Variants in CNTNAP5 observed in about 807,000 individuals in gnomAD.
The protein encoded by CNTNAP5 is contactin associated protein family member 5, also known as contactin-associated protein-like 5.
In CNTNAP5, 72 loss-of-function variants were observed where a neutral mutation model predicts 150.2. The observed-to-expected ratio is 0.48, with a 90% CI of 0.40 to 0.58. CNTNAP5 has a LOEUF of 0.58. Ranked by LOEUF, CNTNAP5 falls within the 20% of genes least tolerant of loss-of-function variation. CNTNAP5 has a pLI of 0.00. For missense variants in CNTNAP5, 1,636 were observed against 1,626.2 expected, an observed-to-expected ratio of 1.01 and a Z score of -0.10; for synonymous variants, 672 against 619.8, an observed-to-expected ratio of 1.08 and a Z score of -1.25.
chr2:124,371,163 C>A (rs141094827), intron 3 of CNTNAP5, among the ~76,000 whole-genome samples: 2 of 152,034 alleles, frequency 1.3e-5, no homozygotes, highest in Non-Finnish European at 2.9e-5. Context: ...TTAGGTTTTA[C>A]GACCTGCTTC....
intron 3 of CNTNAP5, among the ~76,000 whole-genome samples, chr2:124,304,383 G>T (rs913423216): frequency 5.4e-5 from 8 of 149,236 alleles, no homozygotes; most frequent in African/African-American, 2.1e-4. Context: ...AGGGAGAAAT[G>T]GCAAAGTAGA....
At chr2:124,234,014 G>A (rs1214552748) in intron 2 of CNTNAP5, among the ~76,000 whole-genome samples, 3 of 151,660 alleles carry the variant, frequency 2.0e-5, no homozygotes, top group Non-Finnish European at 4.4e-5. Flanking sequence ...CTGCTCATGA[G>A]AAAAAAAATG....
intron 19 of CNTNAP5, among the ~76,000 whole-genome samples, chr2:124,860,240 C>T (rs553758844): frequency 6.6e-6 from 1 of 151,974 alleles, no homozygotes; most frequent in Non-Finnish European, 1.5e-5. Context: ...GTCCCAGCTA[C>T]TCAGGAGGCT....
chr2:124,802,718 C>G lies in CNTNAP5; in HGVS notation c.3217+4398C>G, dbSNP rs192219478. On this transcript the variant is annotated intron_variant, in intron 19 of 23. Transcript: ENST00000682447. ...GCCTTCTCCACAGTAGTGGGGATTTCTCTTTCAAATTTGCAACTCAGAAAA... is the reference window on the plus strand; with the variant it reads ...GCCTTCTCCACAGTAGTGGGGATTTGTCTTTCAAATTTGCAACTCAGAAAA... Among the ~76,000 whole-genome samples the G allele has an allele frequency of 2.6e-5, 4 of 152,292 alleles. No homozygotes were observed. The East Asian group carries it at 5.8e-4, about 22-fold the overall frequency.
At chr2:124,080,814 C>T (rs1168199568) in intron 1 of CNTNAP5, among the ~76,000 whole-genome samples, 1 of 152,150 alleles carries the variant, frequency 6.6e-6, no homozygotes, top group African/African-American at 2.4e-5. Context: ...TTTTCACTGC[C>T]TCTTCAAGAA....
chr2:124,029,366 G>T (rs996399486), intron 1 of CNTNAP5, among the ~76,000 whole-genome samples: 5 of 152,036 alleles, frequency 3.3e-5, no homozygotes, highest in African/African-American at 4.8e-5. Flanking sequence ...ACAAGTAAAG[G>T]AAGCACTCCA....
At position 124,127,919 on chromosome 2, in the gene CNTNAP5, G is replaced by T. The variant is rs1468147154; in HGVS notation, c.83-93786G>T. On this transcript the variant is annotated intron_variant, in intron 1 of 23. Coordinates refer to ENST00000682447, the MANE Select transcript of CNTNAP5 (RefSeq NM_001367498.1). ...TATACAAAAATTAATTCAAGATGGA[G>T]TAAAGACTTAAATGTCAGACCTAAA... Among the ~76,000 whole-genome samples the T allele has an allele frequency of 7.9e-5, 12 of 152,030 alleles. No homozygotes were observed. In the South Asian group the frequency reaches 1.7e-3, roughly 21 times the overall value.
At position 124,278,883 on chromosome 2, in the gene CNTNAP5, C is replaced by T. The variant is rs554685434; in HGVS notation, c.381+36490C>T. Among the ~76,000 whole-genome samples, 17 of 152,194 alleles carry T rather than the reference C, an allele frequency of 1.1e-4. No individual in the cohort carries two copies. In the South Asian group the frequency reaches 2.5e-3, roughly 22 times the overall value. ...AGTAAACACATACCTTCTTAAAGAA[C>T]ATTTCTAACATAATTTAGTATTGAT... On this transcript the variant is annotated intron_variant, in intron 3 of 23. Coordinates refer to ENST00000682447, the MANE Select transcript of CNTNAP5 (RefSeq NM_001367498.1).
intron 21 of CNTNAP5, among the ~76,000 whole-genome samples, chr2:124,883,774 G>T (rs950457326): frequency 2.6e-5 from 4 of 152,070 alleles, no homozygotes; most frequent in African/African-American, 9.7e-5. Flanking sequence ...GCTTGCATAT[G>T]TCCATGTGTC....
intron 13 of CNTNAP5, among the ~76,000 whole-genome samples, chr2:124,700,561 A>G (rs1679500350): frequency 6.6e-6 from 1 of 152,056 alleles, no homozygotes. Flanking sequence ...TGGGTGTGAA[A>G]TGGCATCTCA....
At chr2:124,337,812 C>T (rs1402643000) in intron 3 of CNTNAP5, among the ~76,000 whole-genome samples, 3 of 151,866 alleles carry the variant, frequency 2.0e-5, no homozygotes, top group East Asian at 3.9e-4. Context: ...TAGTGTGATG[C>T]CTCCAGCTTT....
chr2:124,025,685 C>A lies in CNTNAP5; in HGVS notation c.35C>A (p.Thr12Asn), dbSNP rs542994583. 2 of 1,613,874 alleles carry A rather than the reference C, an allele frequency of 1.2e-6. No individual in the cohort carries two copies. Among genetic ancestry groups the A allele is most frequent in the Admixed American group, 1.7e-5 (1 of 60,008 alleles). ...DSLPRLTSVL[T>N]LLFSGLWHLG... is the part of the protein sequence containing the mutation. The stretch of plus-strand genomic sequence containing the variant: ...TTACCACGGCTGACCAGCGTTTTGA[C>A]TTTGCTGTTCTCTGGCTTGTGGCAT... Residue 12 changes from threonine (T) to asparagine (N), a missense_variant, in exon 1 of 24, where the codon ACT becomes AAT. Transcript: ENST00000682447.
intron 6 of CNTNAP5, among the ~76,000 whole-genome samples, chr2:124,449,899 A>C (rs1167752516): frequency 2.6e-5 from 4 of 152,134 alleles, no homozygotes; most frequent in African/African-American, 9.7e-5. Flanking sequence ...GAGATGAAAG[A>C]ACACTGGTGC....
At chr2:124,464,066 A>G (rs189956700) in intron 6 of CNTNAP5, among the ~76,000 whole-genome samples, 1 of 152,290 alleles carries the variant, frequency 6.6e-6, no homozygotes, top group East Asian at 1.9e-4. Flanking sequence ...TATTGCTATT[A>G]CTAAAACAAT....
chr2:124,875,010 A>G (rs1677825200), intron 21 of CNTNAP5, among the ~76,000 whole-genome samples: 1 of 152,108 alleles, frequency 6.6e-6, no homozygotes, highest in African/African-American at 2.4e-5. Context: ...CATAAAATTT[A>G]CAGCTAATCT....
intron 12 of CNTNAP5, among the ~76,000 whole-genome samples, chr2:124,643,498 A>T (rs1226968723): frequency 6.6e-6 from 1 of 152,226 alleles, no homozygotes; most frequent in African/African-American, 2.4e-5. Flanking sequence ...GGAAAAAAAA[A>T]ACTTAACAAG....
chr2:124,048,018 C>T (rs1681586505), intron 1 of CNTNAP5, among the ~76,000 whole-genome samples: 1 of 152,214 alleles, frequency 6.6e-6, no homozygotes, highest in Non-Finnish European at 1.5e-5. Context: ...CCGTCATAAA[C>T]ATTTCCAAGC....
At chr2:124,198,661 A>T (rs1277193783) in intron 1 of CNTNAP5, among the ~76,000 whole-genome samples, 1 of 152,142 alleles carries the variant, frequency 6.6e-6, no homozygotes, top group Non-Finnish European at 1.5e-5. Context: ...TAGGGGAATT[A>T]GTCCATTATT....
chr2:124,849,250 A>G (rs1413447072), intron 19 of CNTNAP5, among the ~76,000 whole-genome samples: 2 of 152,084 alleles, frequency 1.3e-5, no homozygotes, highest in African/African-American at 2.4e-5. Context: ...TACATTGTGT[A>G]TTCTTGCTGT....
Sources: gnomAD v4.1 joint callset for allele counts (sites outside exome capture counted in the v4.1 genomes callset) on GRCh38, gnomAD v4.1.1 for gene constraint, MANE v1.5 for transcripts, NCBI Gene and HGNC (gene_info 2026-07-23, HGNC 2026-07-21) for gene names.